Variants in EFR3A observed in about 807,000 individuals in gnomAD.
EFR3A encodes EFR3 homolog A.
A neutral mutation model predicts 104.4 loss-of-function variants in EFR3A; 76 were observed. The observed-to-expected ratio is 0.73, with a 90% CI of 0.60 to 0.88. The LOEUF (loss-of-function observed/expected upper bound fraction) is 0.88, where lower values mean the gene tolerates loss of function less well. Ranked by LOEUF, EFR3A falls within the 40% of genes least tolerant of loss-of-function variation. The pLI, the probability that EFR3A is intolerant of heterozygous loss-of-function variation, is 0.00. For missense variants in EFR3A, 985 were observed against 1,012.5 expected, an observed-to-expected ratio of 0.97 and a Z score of 0.37; for synonymous variants, 330 against 330.0, an observed-to-expected ratio of 1.00 and a Z score of 0.00.
intron 20 of EFR3A, among the ~76,000 whole-genome samples, chr8:132,002,298 T>C (rs1043664991): frequency 2.6e-5 from 4 of 152,190 alleles, no homozygotes; most frequent in African/African-American, 4.8e-5. Context: ...TGTGAAGTAG[T>C]TCGACTTGTA....
At chr8:131,997,991 T>G (rs1424501707) in intron 19 of EFR3A, among the ~76,000 whole-genome samples, 1 of 152,096 alleles carries the variant, frequency 6.6e-6, no homozygotes, top group African/African-American at 2.4e-5. Context: ...TTTTATTAAC[T>G]TTTACAAGAT....
Position 131,904,118 on chromosome 8 carries a change from T to C in EFR3A, c.-195T>C, listed in dbSNP as rs964446686. 9.3e-6 allele frequency: 5 copies of C among 537,124 alleles called. No individual in the cohort carries two copies. The highest frequency in any genetic ancestry group is 1.4e-5 in the Non-Finnish European group (5 of 359,404). 33.3% of individuals were successfully genotyped at this position (537,124 alleles called of 1,614,324 possible). A position where few individuals can be genotyped will look rare whatever the true frequency, so the allele number is the denominator to read the frequency against. ...GTCCGTCGCGCCGCCCGGCGAGGAG[T>C]GGGCTGGCGGCGGTAGCTGTCGCCC... On this transcript the variant is annotated 5_prime_UTR_variant, in exon 1 of 23. Transcript: ENST00000254624.
intron 1 of EFR3A, chr8:131,938,191 C>T: frequency 2.5e-6 from 1 of 397,194 alleles, no homozygotes; most frequent in Non-Finnish European, 4.4e-6. Flanking sequence ...GATCTAGAGT[C>T]AGAAAGATCG....
At chr8:131,928,659 A>G (rs76993947) in intron 1 of EFR3A, among the ~76,000 whole-genome samples, 1 of 152,080 alleles carries the variant, frequency 6.6e-6, no homozygotes, top group Non-Finnish European at 1.5e-5. Context: ...ATATTCTGAA[A>G]CTGCCACTGT....
At chr8:131,909,872 GA>G (rs1338737365) in intron 1 of EFR3A, among the ~76,000 whole-genome samples, 1 of 152,192 alleles carries the variant, frequency 6.6e-6, no homozygotes, top group African/African-American at 2.4e-5. Context: ...CCCTGGTTGA[GA>G]ACCACTGGCC....
chr8:131,934,686 G>T (rs1487630627), intron 1 of EFR3A, among the ~76,000 whole-genome samples: 2 of 152,060 alleles, frequency 1.3e-5, no homozygotes, highest in East Asian at 3.9e-4. Context: ...ATACGTGTGT[G>T]TGTGTGTATA....
intron 1 of EFR3A, among the ~76,000 whole-genome samples, chr8:131,928,020 TG>T (rs1563632487): frequency 2.0e-5 from 3 of 152,182 alleles, no homozygotes; most frequent in African/African-American, 4.8e-5. Flanking sequence ...CTTCTGACAA[TG>T]GAAAATAAAA....
At position 131,986,226 on chromosome 8, in the gene EFR3A, T is replaced by C. The variant is rs1176308260; in HGVS notation, c.1902T>C (p.Tyr634=). Residue 634 remains tyrosine (Y), a synonymous_variant, in exon 17 of 23, where the codon TAT becomes TAC. Transcript: ENST00000254624. ...VIEIRTMEAP[Y]FLPEHIFRDK... ...AAATTCGAACTATGGAAGCCCCTTATTTTCTACCAGAGCATATCTTCAGAG... is the reference window on the plus strand; with the variant it reads ...AAATTCGAACTATGGAAGCCCCTTACTTTCTACCAGAGCATATCTTCAGAG... 2 of 1,594,858 alleles carry C rather than the reference T, an allele frequency of 1.3e-6. No homozygotes were observed. The highest frequency in any genetic ancestry group is 1.7e-6 in the Non-Finnish European group (2 of 1,165,548).
chr8:132,011,486 A>C lies in EFR3A; in HGVS notation c.*591A>C. On this transcript the variant is annotated 3_prime_UTR_variant, in exon 23 of 23. Coordinates refer to ENST00000254624, the MANE Select transcript of EFR3A (RefSeq NM_015137.6). The stretch of plus-strand genomic sequence containing the variant: ...AATAATAGGACATCTGTTGAATAGC[A>C]TTCCTCGAATATAACCCTAAAAACG... 1.1e-6 allele frequency: 1 copy of C among 911,292 alleles called. No homozygotes were observed. The highest frequency in any genetic ancestry group is 1.3e-6 in the Non-Finnish European group (1 of 762,366). 56.5% of individuals were successfully genotyped at this position (911,292 alleles called of 1,614,324 possible).
intron 1 of EFR3A, among the ~76,000 whole-genome samples, chr8:131,924,741 T>G (rs1352076700): frequency 1.3e-5 from 2 of 152,138 alleles, no homozygotes; most frequent in Non-Finnish European, 2.9e-5. Context: ...GAAAAGTCTT[T>G]TCATCTTCTG....
In EFR3A at chr8:131,946,477, A is replaced by G. The variant is rs1309569557; in HGVS notation, c.216-6A>G. On this transcript the variant is annotated splice_region_variant and splice_polypyrimidine_tract_variant and intron_variant, in intron 3 of 22. Coordinates refer to ENST00000254624, the MANE Select transcript of EFR3A (RefSeq NM_015137.6). ...TGCTTTGACATTCTTTTTCTCCTAC[A>G]TGTAGGTATGTTTTGATTGCTATGG... 1 of 1,545,794 alleles carries G rather than the reference A, an allele frequency of 6.5e-7. No homozygotes were observed. The highest frequency in any genetic ancestry group is 8.7e-7 in the Non-Finnish European group (1 of 1,147,408).
intron 1 of EFR3A, among the ~76,000 whole-genome samples, chr8:131,905,163 G>C (rs1416794053): frequency 1.3e-5 from 2 of 152,126 alleles, no homozygotes; most frequent in East Asian, 3.9e-4. Context: ...CCTGATCTTG[G>C]GTAGAGAGGA....
chr8:131,994,416 A>G (rs1174812835), intron 18 of EFR3A, among the ~76,000 whole-genome samples: 1 of 152,166 alleles, frequency 6.6e-6, no homozygotes, highest in Non-Finnish European at 1.5e-5. Flanking sequence ...GGCCTGGGGC[A>G]GTCTGAGCCT....
At chr8:131,997,072 C>T (rs1366539281) in intron 19 of EFR3A, among the ~76,000 whole-genome samples, 2 of 151,972 alleles carry the variant, frequency 1.3e-5, no homozygotes, top group Non-Finnish European at 2.9e-5. Context: ...TTCATGCTCT[C>T]CTCCCGTTTC....
chr8:132,012,855 T>A lies in EFR3A; in HGVS notation c.*1960T>A, dbSNP rs1050877378. On this transcript the variant is annotated 3_prime_UTR_variant, in exon 23 of 23. Coordinates refer to ENST00000254624, the MANE Select transcript of EFR3A (RefSeq NM_015137.6). ...TGTTTCTTAGTGATTTTAAAATGCA[T>A]GTATTGCATGTAAAGGAAAACCATT... The A allele has an allele frequency of 6.6e-6, 1 of 152,310 alleles. No individual in the cohort carries two copies. Among genetic ancestry groups the A allele is most frequent in the Non-Finnish European group, 1.5e-5 (1 of 68,044 alleles). The allele number at this position is 152,310 out of a possible 1,614,324, so 9.4% of individuals were successfully genotyped here.
intron 10 of EFR3A, 98 bp from the exon 11 acceptor site, chr8:131,975,929 T>C: frequency 1.5e-6 from 1 of 687,750 alleles, no homozygotes; most frequent in East Asian, 2.7e-5. Context: ...TGAGGGATTG[T>C]TTTACCACAT....
At chr8:131,969,986 C>A (rs1358033995) in intron 9 of EFR3A, among the ~76,000 whole-genome samples, 1 of 152,160 alleles carries the variant, frequency 6.6e-6, no homozygotes, top group Non-Finnish European at 1.5e-5. Flanking sequence ...AGAACAAATG[C>A]AGTTAACCTG....
intron 19 of EFR3A, chr8:132,000,854 T>C (rs552836437): frequency 1.3e-5 from 2 of 152,342 alleles, no homozygotes; most frequent in African/African-American, 4.8e-5. Flanking sequence ...AGTGGAACTC[T>C]TGCTGCTTGA....
At chr8:131,916,587 C>T (rs185883885) in intron 1 of EFR3A, among the ~76,000 whole-genome samples, 6 of 152,158 alleles carry the variant, frequency 3.9e-5, no homozygotes, top group Admixed American at 3.9e-4. Flanking sequence ...TGTATAGAGG[C>T]TAAAGAAGCT....
Sources: gnomAD v4.1 joint callset for allele counts (sites outside exome capture counted in the v4.1 genomes callset) on GRCh38, gnomAD v4.1.1 for gene constraint, MANE v1.5 for transcripts, NCBI Gene and HGNC (gene_info 2026-07-23, HGNC 2026-07-21) for gene names.